Variants in YES1 observed in about 807,000 individuals in gnomAD.
YES1 encodes YES proto-oncogene 1, Src family tyrosine kinase, also known as tyrosine-protein kinase Yes.
Under a neutral mutation model 70.4 loss-of-function variants are expected in YES1, and 39 were observed. That is an observed-to-expected ratio of 0.55 (90% CI 0.43 to 0.72). The LOEUF (loss-of-function observed/expected upper bound fraction) is 0.72. YES1 is among the 30% of genes least tolerant of loss of function. The pLI, the probability that YES1 is intolerant of heterozygous loss-of-function variation, is 0.00. For missense variants in YES1, 495 were observed against 644.8 expected (o/e 0.77, Z 2.52); for synonymous variants, 198 against 218.6 (o/e 0.91, Z 0.83).
rs1014010530 is a variant in YES1, at chr18:812,187, C to G, written c.-82G>C. The G allele has an allele frequency of 1.3e-5, 2 of 152,556 alleles. No individual in the cohort carries two copies. Among genetic ancestry groups the G allele is most frequent in the Admixed American group, 6.5e-5 (1 of 15,272 alleles). 9.5% of individuals were successfully genotyped at this position (152,556 alleles called of 1,614,324 possible). A position where few individuals can be genotyped will look rare whatever the true frequency, so the allele number is the denominator to read the frequency against. The stretch of plus-strand genomic sequence containing the variant: ...TGGCGGAGGGCGGAGGCGAGGCCCG[C>G]GGGCCCTCTCCCTCCTCCACCTCCT... On this transcript the variant is annotated 5_prime_UTR_variant, in exon 1 of 12. Transcript: ENST00000314574.
chr18:753,192 CTG>C (rs914337257), intron 2 of YES1, among the ~76,000 whole-genome samples: 6 of 152,226 alleles, frequency 3.9e-5, no homozygotes, highest in Admixed American at 2.0e-4. Flanking sequence ...TTTTAAAAAA[CTG>C]TATATATTTA....
chr18:744,292 A>G (rs1198169269), intron 6 of YES1, among the ~76,000 whole-genome samples: 1 of 152,082 alleles, frequency 6.6e-6, no homozygotes, highest in Non-Finnish European at 1.5e-5. Context: ...TCTCAAAGAG[A>G]ATGTTATCAT....
At chr18:762,150 G>A (rs1237055637) in intron 1 of YES1, among the ~76,000 whole-genome samples, 1 of 152,124 alleles carries the variant, frequency 6.6e-6, no homozygotes, top group Admixed American at 6.5e-5. Flanking sequence ...GAGAAACCCT[G>A]TCTCTACTAA....
intron 1 of YES1, among the ~76,000 whole-genome samples, chr18:799,611 G>C (rs1265236350): frequency 6.6e-6 from 1 of 152,180 alleles, no homozygotes; most frequent in Non-Finnish European, 1.5e-5. Flanking sequence ...AGGAGGCTGA[G>C]GCAGGAGAAT....
At chr18:731,517 A>T (rs1281934604) in intron 11 of YES1, among the ~76,000 whole-genome samples, 1 of 152,236 alleles carries the variant, frequency 6.6e-6, no homozygotes, top group Non-Finnish European at 1.5e-5. Flanking sequence ...TAAGATTAGC[A>T]AAACAGTTTT....
At chr18:764,056 C>G (rs1433940789) in intron 1 of YES1, among the ~76,000 whole-genome samples, 1 of 149,508 alleles carries the variant, frequency 6.7e-6, no homozygotes, top group Non-Finnish European at 1.5e-5. Context: ...GGAGGCGGAG[C>G]TTGCAGTGAG....
At chr18:773,824 T>C (rs1306030250) in intron 1 of YES1, among the ~76,000 whole-genome samples, 1 of 141,502 alleles carries the variant, frequency 7.1e-6, no homozygotes, top group Non-Finnish European at 1.5e-5. Flanking sequence ...CTCTCTTCCT[T>C]AAAACACTTT....
chr18:771,327 A>ACTT (rs150406339), intron 1 of YES1, among the ~76,000 whole-genome samples: 2,475 of 152,198 alleles, frequency 0.016, 63 homozygotes, highest in African/African-American at 0.057. Context: ...AGATTGCACC[A>ACTT]CTACACTACA....
chr18:740,301 G>A (rs1005951077), intron 8 of YES1, among the ~76,000 whole-genome samples: 2 of 152,102 alleles, frequency 1.3e-5, no homozygotes, highest in Non-Finnish European at 2.9e-5. Flanking sequence ...GTCTGATTAC[G>A]GCTTCACTAT....
intron 6 of YES1, among the ~76,000 whole-genome samples, chr18:744,689 C>CTTTTTTTTTTT (rs71174284): frequency 1.8e-5 from 1 of 56,876 alleles, no homozygotes; most frequent in Admixed American, 2.9e-4. Context: ...CACGCCTGGC[C>CTTTTTTTTTTT]TTTTTTTTTT....
intron 6 of YES1, among the ~76,000 whole-genome samples, chr18:743,736 T>C (rs551537574): frequency 1.3e-5 from 2 of 151,874 alleles, no homozygotes; most frequent in South Asian, 4.2e-4. Flanking sequence ...TGAAACACTG[T>C]CTCTACTAAA....
chr18:788,395 G>A (rs1008673969), intron 1 of YES1, among the ~76,000 whole-genome samples: 11 of 151,950 alleles, frequency 7.2e-5, no homozygotes, highest in African/African-American at 2.7e-4. Flanking sequence ...CTTACTTCTG[G>A]CTACACTATT....
intron 1 of YES1, among the ~76,000 whole-genome samples, chr18:763,406 CA>C (rs1428023346): frequency 6.6e-6 from 1 of 151,990 alleles, no homozygotes; most frequent in Non-Finnish European, 1.5e-5. Context: ...TGAGAAAAGG[CA>C]AAAGCAGCCA....
chr18:806,274 T>C (rs1369439786), intron 1 of YES1, among the ~76,000 whole-genome samples: 1 of 152,232 alleles, frequency 6.6e-6, no homozygotes, highest in African/African-American at 2.4e-5. Context: ...AAATAAACCT[T>C]ACTAGAGACT....
At chr18:741,887 C>G (rs72853881) in intron 8 of YES1, among the ~76,000 whole-genome samples, 9 of 152,268 alleles carry the variant, frequency 5.9e-5, no homozygotes, top group Non-Finnish European at 1.0e-4. Flanking sequence ...TTCCAAAGAG[C>G]GCCAGGTGCT....
chr18:806,462 T>C (rs1392516572), intron 1 of YES1, among the ~76,000 whole-genome samples: 1 of 152,366 alleles, frequency 6.6e-6, no homozygotes, highest in South Asian at 2.1e-4. Context: ...AAGCTAGTTT[T>C]ATAACATTTT....
chr18:769,571 C>T (rs1905065412), intron 1 of YES1, among the ~76,000 whole-genome samples: 1 of 152,132 alleles, frequency 6.6e-6, no homozygotes, highest in Admixed American at 6.6e-5. Context: ...TGTATTATAG[C>T]AGAACTTCAT....
chr18:728,872 A>C (rs1298867514), intron 11 of YES1, among the ~76,000 whole-genome samples: 5 of 151,966 alleles, frequency 3.3e-5, no homozygotes, highest in African/African-American at 4.8e-5. Context: ...CCACCTCCTT[A>C]TGGCTGTTTG....
intron 1 of YES1, among the ~76,000 whole-genome samples, chr18:782,354 G>A (rs1267073609): frequency 2.0e-5 from 3 of 152,172 alleles, no homozygotes; most frequent in Non-Finnish European, 4.4e-5. Context: ...GCCCAGCTTG[G>A]ATCAGCCGCC....
Sources: gnomAD v4.1 joint callset for allele counts (sites outside exome capture counted in the v4.1 genomes callset) on GRCh38, gnomAD v4.1.1 for gene constraint, MANE v1.5 for transcripts, NCBI Gene and HGNC (gene_info 2026-07-23, HGNC 2026-07-21) for gene names.